MCTP2: variants seen among roughly 807,000 people sequenced by gnomAD.
MCTP2 encodes the protein multiple C2 and transmembrane domain-containing protein 2.
A neutral mutation model predicts 111.6 loss-of-function variants in MCTP2; 132 were observed. That is an observed-to-expected ratio of 1.18 (90% confidence interval 1.03 to 1.37). MCTP2 has a LOEUF of 1.37. MCTP2 is among the 40% of genes most tolerant of loss of function. The probability of loss-of-function intolerance (pLI) is 0.00; values close to 1 mark genes in which losing one functional copy is unlikely to be tolerated. For synonymous variants in MCTP2, 395 were observed against 387.7 expected, an observed-to-expected ratio of 1.02 and a Z score of -0.22; for missense variants, 1,183 against 1,067.9, an observed-to-expected ratio of 1.11 and a Z score of -1.50.
At position 94,340,226 on chromosome 15, in the gene MCTP2, G is replaced by A; in HGVS notation, c.808G>A (p.Asp270Asn). ...ATATGATCGAGATTTAACCACATCTGATTTCATGGGTTCTGCATTTGTCAT... is the reference window on the plus strand; with the variant it reads ...ATATGATCGAGATTTAACCACATCTAATTTCATGGGTTCTGCATTTGTCAT... Reference protein sequence around the residue: ...KVYDRDLTTSDFMGSAFVILS... With the variant: ...KVYDRDLTTSNFMGSAFVILS... Residue 270 changes from aspartate to asparagine, a missense_variant, in exon 6 of 23, where the codon GAT becomes AAT. By Grantham distance (23) the Asp-to-Asn change is conservative. Transcript: ENST00000357742. The A allele has an allele frequency of 6.2e-7, 1 of 1,613,116 alleles. No homozygotes were observed. The highest frequency in any genetic ancestry group is 8.5e-7 in the Non-Finnish European group (1 of 1,179,342).
chr15:94,245,586 A>G (rs560200867), intron 1 of MCTP2, among the ~76,000 whole-genome samples: 177 of 144,914 alleles, frequency 1.2e-3, no homozygotes, highest in Non-Finnish European at 2.4e-3. Flanking sequence ...ACGTATATGT[A>G]CATATACGTA....
At chr15:94,254,207 C>T (rs2072619359) in intron 1 of MCTP2, among the ~76,000 whole-genome samples, 1 of 152,152 alleles carries the variant, frequency 6.6e-6, no homozygotes, top group Non-Finnish European at 1.5e-5. Context: ...TACCATTTCC[C>T]ATTGTGATGC....
chr15:94,378,593 A>G (rs1243837989), intron 12 of MCTP2, among the ~76,000 whole-genome samples: 1 of 152,222 alleles, frequency 6.6e-6, no homozygotes, highest in Admixed American at 6.5e-5. Context: ...TCTAGGTGTT[A>G]GAATATAGGA....
chr15:94,348,020 T>C (rs1296353081), intron 8 of MCTP2, among the ~76,000 whole-genome samples: 3 of 152,168 alleles, frequency 2.0e-5, no homozygotes, highest in Non-Finnish European at 4.4e-5. Flanking sequence ...AGATGAATTT[T>C]TACCAAGATA....
At chr15:94,275,157 A>G (rs1039808171) in intron 1 of MCTP2, among the ~76,000 whole-genome samples, 1 of 152,220 alleles carries the variant, frequency 6.6e-6, no homozygotes, top group Non-Finnish European at 1.5e-5. Flanking sequence ...GAATTTTCTT[A>G]ACTTGATGAG....
intron 17 of MCTP2, among the ~76,000 whole-genome samples, chr15:94,431,083 G>T (rs536396870): frequency 6.6e-6 from 1 of 151,962 alleles, no homozygotes; most frequent in Non-Finnish European, 1.5e-5. Flanking sequence ...CTACATAAAG[G>T]CTGCTTTTGG....
chr15:94,394,292 G>A (rs896276129), intron 14 of MCTP2, among the ~76,000 whole-genome samples: 3 of 151,890 alleles, frequency 2.0e-5, no homozygotes, highest in Non-Finnish European at 4.4e-5. Context: ...TGCTTGTATT[G>A]GAGGTGTATG....
At chr15:94,357,677 CTA>C (rs768816682) in intron 9 of MCTP2, among the ~76,000 whole-genome samples, 4 of 151,974 alleles carry the variant, frequency 2.6e-5, no homozygotes, top group Admixed American at 6.6e-5. Context: ...TCTGAGTTCT[CTA>C]TGTTTTTCTG....
At chr15:94,331,846 A>G (rs1056615650) in intron 4 of MCTP2, among the ~76,000 whole-genome samples, 6 of 152,330 alleles carry the variant, frequency 3.9e-5, no homozygotes, top group Middle Eastern at 6.8e-3. Context: ...GTTCAGGAAT[A>G]GTTCAATCAG....
chr15:94,311,016 CT>C (rs761053094), intron 2 of MCTP2, among the ~76,000 whole-genome samples: 2,463 of 127,954 alleles, frequency 0.019, 32 homozygotes, highest in African/African-American at 0.061. Context: ...GGGAACTTTC[CT>C]TTTTTTTTTT....
chr15:94,461,414 G>A (rs2085198890), intron 20 of MCTP2, among the ~76,000 whole-genome samples: 1 of 152,048 alleles, frequency 6.6e-6, no homozygotes, highest in African/African-American at 2.4e-5. Context: ...GAGCCGAGAT[G>A]GCACCACCAC....
rs115651230 is a variant in MCTP2 at position 94,263,421 on chromosome 15, A to C, written c.-66+31757A>C. Among the ~76,000 whole-genome samples, 664 of 152,294 alleles carry C rather than the reference A, an allele frequency of 4.4e-3. 4 individuals carry two copies. Among genetic ancestry groups the C allele is most frequent in the African/African-American group, 0.015 (629 of 41,572 alleles). Reference sequence around the variant, plus strand: ...ATTTTTGCCACCCTATTAATAGATAATGGTATTGTGTATGTGTTTCTGTTT... The same window carrying C: ...ATTTTTGCCACCCTATTAATAGATACTGGTATTGTGTATGTGTTTCTGTTT... On this transcript the variant is annotated intron_variant, in intron 1 of 22. Coordinates refer to ENST00000357742, the MANE Select transcript of MCTP2 (RefSeq NM_001385001.1).
At chr15:94,254,197 T>C (rs1459843797) in intron 1 of MCTP2, among the ~76,000 whole-genome samples, 1 of 152,232 alleles carries the variant, frequency 6.6e-6, no homozygotes, top group East Asian at 1.9e-4. Context: ...TAATTTTCTT[T>C]ACCATTTCCC....
At chr15:94,470,810 T>G (rs774836466) in intron 21 of MCTP2, among the ~76,000 whole-genome samples, 2 of 152,120 alleles carry the variant, frequency 1.3e-5, no homozygotes, top group African/African-American at 2.4e-5. Context: ...GCCCTTGATA[T>G]TATGTAAAAG....
At chr15:94,399,829 T>C (rs1234972213) in intron 15 of MCTP2, 92 bp from the exon 16 acceptor site, 3 of 1,050,594 alleles carry the variant, frequency 2.9e-6, no homozygotes, top group East Asian at 2.4e-5. Context: ...TCAGAAGCTA[T>C]TGGTCTGCAC....
intron 4 of MCTP2, among the ~76,000 whole-genome samples, chr15:94,328,567 A>C (rs542279759): frequency 6.6e-6 from 1 of 152,226 alleles, no homozygotes; most frequent in Admixed American, 6.5e-5. Flanking sequence ...GTATTCCCAC[A>C]TGTCCGTGAT....
At chr15:94,256,314 G>A (rs2072766539) in intron 1 of MCTP2, among the ~76,000 whole-genome samples, 1 of 151,644 alleles carries the variant, frequency 6.6e-6, no homozygotes, top group Non-Finnish European at 1.5e-5. Flanking sequence ...TTATGTATAT[G>A]CAAATGTTCC....
At chr15:94,338,824 G>A (rs1177132436) in intron 4 of MCTP2, among the ~76,000 whole-genome samples, 1 of 152,188 alleles carries the variant, frequency 6.6e-6, no homozygotes, top group Non-Finnish European at 1.5e-5. Flanking sequence ...CATCTTTTGA[G>A]CCAGTGATTC....
Position 94,328,581 on chromosome 15 carries a change from C to T in MCTP2, c.638-10709C>T, listed in dbSNP as rs75683300. Among the ~76,000 whole-genome samples, 54 of 152,328 alleles carry T rather than the reference C, an allele frequency of 3.5e-4. No individual in the cohort carries two copies. The East Asian group carries it at 9.1e-3, about 26-fold the overall frequency. Reference sequence around the variant, plus strand: ...TGTATTCCCACATGTCCGTGATTTACTCATGTCTGAGTTTTGATTTCAGTG... The same window carrying T: ...TGTATTCCCACATGTCCGTGATTTATTCATGTCTGAGTTTTGATTTCAGTG... On this transcript the variant is annotated intron_variant, in intron 4 of 22. Coordinates refer to ENST00000357742, the MANE Select transcript of MCTP2 (RefSeq NM_001385001.1).
Sources: gnomAD v4.1 joint callset for allele counts (sites outside exome capture counted in the v4.1 genomes callset) on GRCh38, gnomAD v4.1.1 for gene constraint, MANE v1.5 for transcripts, NCBI Gene and HGNC (gene_info 2026-07-23, HGNC 2026-07-21) for gene names.